The following NUDT12 variants were observed in gnomAD, a reference collection of about 807,000 sequenced individuals.
NUDT12 encodes NAD-capped RNA hydrolase NUDT12.
In NUDT12, 42 loss-of-function variants were observed where a neutral mutation model predicts 45.7. That is an observed-to-expected ratio of 0.92 (90% CI 0.72 to 1.19). The LOEUF is 1.19. Among genes scored for constraint, NUDT12 ranks in the 50% most tolerant of loss-of-function variants. The pLI, the probability that NUDT12 is intolerant of heterozygous loss-of-function variation, is 0.00. For missense variants in NUDT12, 590 were observed against 533.1 expected, an observed-to-expected ratio of 1.11 and a Z score of -1.05; for synonymous variants, 206 against 179.7, an observed-to-expected ratio of 1.15 and a Z score of -1.17.
chr5:103,553,239 ATAAC>A (rs1450465651), intron 5 of NUDT12, among the ~76,000 whole-genome samples: 6 of 152,118 alleles, frequency 3.9e-5, no homozygotes, highest in Non-Finnish European at 7.4e-5. Flanking sequence ...TTGCAAAACC[ATAAC>A]TAACAAAAGA....
Position 103,552,321 on chromosome 5 carries a change from T to C in NUDT12, c.1174A>G (p.Met392Val), listed in dbSNP as rs752496258. The change falls in exon 6 of 7, where the codon ATG (methionine) becomes GTG (valine). Residue 392 changes from methionine to valine, a missense_variant. Physicochemically the swap from Met to Val is conservative, Grantham distance 21. Coordinates refer to ENST00000230792, the MANE Select transcript of NUDT12 (RefSeq NM_031438.4). ...CAACCAATCATTAAGGAGGAAGGCA[T>C]TGGCCATGGTTGACAAGCAACATAC... ...VQYVACQPWP[M>V]PSSLMIGCLA... 13 of 1,613,972 alleles carry C rather than the reference T, an allele frequency of 8.1e-6. No homozygotes were observed. Among genetic ancestry groups the C allele is most frequent in the Admixed American group, 1.7e-5 (1 of 59,956 alleles).
chr5:103,551,306 G>GTC (rs1748648074), intron 6 of NUDT12, among the ~76,000 whole-genome samples: 1 of 151,926 alleles, frequency 6.6e-6, no homozygotes, highest in African/African-American at 2.4e-5. Flanking sequence ...TAGAGACAGG[G>GTC]TCTCCCTATG....
At chr5:103,561,917 T>C (rs1180952128) in intron 1 of NUDT12, among the ~76,000 whole-genome samples, 1 of 152,336 alleles carries the variant, frequency 6.6e-6, no homozygotes, top group East Asian at 1.9e-4. Context: ...AAGTGGAAAG[T>C]GTACACTTTT....
chr5:103,562,198 T>C (rs72782538), intron 1 of NUDT12, among the ~76,000 whole-genome samples: 8,553 of 152,142 alleles, frequency 0.056, 325 homozygotes, highest in Middle Eastern at 0.12. Context: ...TTTACTGACA[T>C]GTAACCCGGG....
Position 103,558,975 on chromosome 5 carries a change from G to C in NUDT12, c.700C>G (p.Pro234Ala). 1.2e-6 allele frequency: 2 copies of C among 1,613,504 alleles called. No individual in the cohort carries two copies. Among genetic ancestry groups the C allele is most frequent in the Non-Finnish European group, 1.7e-6 (2 of 1,179,612 alleles). ...LVAWFALGID[P>A]IAAEEFKQRH... is the part of the protein sequence containing the mutation. ...TGCTTGAATTCTTCAGCAGCAATAG[G>C]ATCTATACCTAGAGCAAACCAGGCA... The change falls in exon 3 of 7, where the codon CCT (proline) becomes GCT (alanine). Residue 234 changes from proline to alanine, a missense_variant. By Grantham distance (27) the Pro-to-Ala change is conservative. Transcript: ENST00000230792.
In NUDT12 at chr5:103,554,816, C is replaced by A; in HGVS notation, c.1002G>T (p.Gly334=). The change falls in exon 5 of 7, where the codon GGG becomes GGT. Residue 334 remains glycine (G), a synonymous_variant. Transcript: ENST00000230792. The part of the protein sequence containing the change: ...VVIMQVIHPD[G]TKCLLGRQKR... ...TCTGCCTGCCTAAAAGGCATTTGGT[C>A]CCATCTGGATGAATAACTTGCATGA... The A allele has an allele frequency of 6.4e-7, 1 of 1,563,766 alleles. No individual in the cohort carries two copies. The highest frequency in any genetic ancestry group is 8.7e-7 in the Non-Finnish European group (1 of 1,149,804).
chr5:103,551,640 A>C (rs1748658372), intron 6 of NUDT12, among the ~76,000 whole-genome samples: 3 of 152,190 alleles, frequency 2.0e-5, no homozygotes, highest in Non-Finnish European at 4.4e-5. Context: ...TTAAGCATAG[A>C]ATAAAATTAA....
chr5:103,554,859 G>GAA lies in NUDT12; in HGVS notation c.965-8_965-7dup, dbSNP rs11373550. 17,923 of 983,864 alleles carry GAA rather than the reference G, an allele frequency of 0.018. No individual in the cohort carries two copies. The highest frequency in any genetic ancestry group is 0.024 in the South Asian group (1,334 of 54,562). 60.9% of individuals were successfully genotyped at this position (983,864 alleles called of 1,614,324 possible). On this transcript the variant is annotated splice_polypyrimidine_tract_variant and splice_region_variant and intron_variant, in intron 4 of 6. Coordinates refer to ENST00000230792, the MANE Select transcript of NUDT12 (RefSeq NM_031438.4). ...TTGCATGATTACTACTGGATCTGTT[G>GAA]AAAAAAAAAATCAGATACATGAATG... is the stretch of plus-strand genomic sequence containing the variant.
intron 3 of NUDT12, among the ~76,000 whole-genome samples, chr5:103,558,605 TG>T (rs1432304185): frequency 1.3e-5 from 2 of 152,164 alleles, no homozygotes; most frequent in Admixed American, 6.6e-5. Context: ...ATGTTCTACG[TG>T]TAGCAGGAAC....
intron 1 of NUDT12, 43 bp from the exon 2 acceptor site, chr5:103,560,297 G>A (rs778466548): frequency 1.6e-6 from 2 of 1,236,918 alleles, no homozygotes; most frequent in South Asian, 1.2e-5. Flanking sequence ...ATTTGCAACT[G>A]CTTTTTTATC....
At chr5:103,558,801 G>C (rs551134382) in intron 3 of NUDT12, 78 bp downstream of exon 3, 6 of 949,692 alleles carry the variant, frequency 6.3e-6, no homozygotes, top group Non-Finnish European at 7.7e-6. Flanking sequence ...AGTGCCCCTG[G>C]AAAGTGCAAA....
intron 3 of NUDT12, among the ~76,000 whole-genome samples, chr5:103,557,301 A>ATATATATATATATATATATATATATC (rs1748857200): frequency 1.4e-5 from 2 of 144,992 alleles, no homozygotes; most frequent in Non-Finnish European, 3.0e-5. Context: ...ATATATATAT[A>ATATATATATATATATATATATATATC]TATGTCTAAA....
intron 1 of NUDT12, among the ~76,000 whole-genome samples, chr5:103,561,076 C>T (rs1279392638): frequency 2.8e-5 from 4 of 142,574 alleles, no homozygotes; most frequent in East Asian, 4.0e-4. Context: ...TTTTTTTTGG[C>T]GGCGGGGGAT....
At chr5:103,552,709 G>T (rs985881447) in intron 5 of NUDT12, among the ~76,000 whole-genome samples, 1 of 151,806 alleles carries the variant, frequency 6.6e-6, no homozygotes, top group African/African-American at 2.4e-5. Context: ...ACCTAATACT[G>T]GTTAAACACT....
At position 103,558,801 on chromosome 5, in the gene NUDT12, G is replaced by A. The variant is rs551134382; in HGVS notation, c.796+78C>T. On this transcript the variant is annotated intron_variant, in intron 3 of 6. Transcript: ENST00000230792. ...GCTTACTGGAAAAAGAGTGCCCCTG[G>A]AAAGTGCAAATACATACAACTCCAA... The A allele has an allele frequency of 2.0e-5, 19 of 949,810 alleles. No individual in the cohort carries two copies. The South Asian group carries it at 3.3e-4, about 16-fold the overall frequency. The allele number at this position is 949,810 out of a possible 1,614,324, so 58.8% of individuals were successfully genotyped here.
intron 5 of NUDT12, 150 bp downstream of exon 5, chr5:103,554,590 T>C (rs978709971): frequency 5.5e-6 from 2 of 362,986 alleles, no homozygotes; most frequent in African/African-American, 2.1e-5. Flanking sequence ...ATTACATGTT[T>C]ATATTATTAA....
rs1401070313 is a variant in NUDT12, at chr5:103,550,108, TTAA to T, written c.*750_*752del. On this transcript the variant is annotated 3_prime_UTR_variant, in exon 7 of 7. Coordinates refer to ENST00000230792, the MANE Select transcript of NUDT12 (RefSeq NM_031438.4). ...CAAAAGCAGAGAATCTTGGTTTGTCTTAATAACAGCTTTAGGTATAAGTAACAT... is the reference window on the plus strand; with the variant it reads ...CAAAAGCAGAGAATCTTGGTTTGTCTTAACAGCTTTAGGTATAAGTAACAT... 3.9e-5 allele frequency: 6 copies of T among 152,206 alleles called. No individual in the cohort carries two copies. Among genetic ancestry groups the T allele is most frequent in the Non-Finnish European group, 8.8e-5 (6 of 68,034 alleles). The allele number at this position is 152,206 out of a possible 1,614,324, so 9.4% of individuals were successfully genotyped here.
rs550797856 is a variant in NUDT12, at chr5:103,552,372, T to G, written c.1123A>C (p.Ser375Arg). Reference sequence around the variant, plus strand: ...TGAACATGGCCAACTTTGACTCCACTTTCCTCTTCTACTTCTCTCCTAACA... The same window carrying G: ...TGAACATGGCCAACTTTGACTCCACGTTCCTCTTCTACTTCTCTCCTAACA... Reference protein sequence around the residue: ...DAVRREVEEESGVKVGHVQYV... With the variant: ...DAVRREVEEERGVKVGHVQYV... Residue 375 changes from serine (S) to arginine (R), a missense_variant, in exon 6 of 7, where the codon AGT becomes CGT. Coordinates refer to ENST00000230792, the MANE Select transcript of NUDT12 (RefSeq NM_031438.4). The G allele has an allele frequency of 6.2e-7, 1 of 1,613,982 alleles. No individual in the cohort carries two copies. The highest frequency in any genetic ancestry group is 1.3e-5 in the African/African-American group (1 of 75,058).
In NUDT12 at chr5:103,550,805, G is replaced by T; in HGVS notation, c.*56C>A. 8.3e-7 allele frequency: 1 copy of T among 1,200,326 alleles called. No homozygotes were observed. The highest frequency in any genetic ancestry group is 1.2e-6 in the Non-Finnish European group (1 of 809,084). The allele number at this position is 1,200,326 out of a possible 1,614,324, so 74.4% of individuals were successfully genotyped here. On this transcript the variant is annotated 3_prime_UTR_variant, in exon 7 of 7. Transcript: ENST00000230792. Reference sequence around the variant, plus strand: ...TACTGAATAATCTCTAATATCACTTGAGGAATGAGTGTTATTAGAAATTAT... The same window carrying T: ...TACTGAATAATCTCTAATATCACTTTAGGAATGAGTGTTATTAGAAATTAT...
Sources: gnomAD v4.1 joint callset for allele counts (sites outside exome capture counted in the v4.1 genomes callset) on GRCh38, gnomAD v4.1.1 for gene constraint, MANE v1.5 for transcripts, NCBI Gene and HGNC (gene_info 2026-07-23, HGNC 2026-07-21) for gene names.